Variants in GRID2 observed in about 807,000 individuals in gnomAD.
The protein encoded by GRID2 is glutamate ionotropic receptor delta type subunit 2.
GRID2 carries 33 observed loss-of-function variants against 114.8 expected under a neutral mutation model. The ratio of observed to expected loss-of-function variants is 0.29; its 90% CI spans 0.22 to 0.38. The LOEUF is 0.38. GRID2 is among the 10% of genes least tolerant of loss of function. The pLI, the probability that GRID2 is intolerant of heterozygous loss-of-function variation, is 1.00. For synonymous variants in GRID2, 505 were observed against 449.9 expected (o/e 1.12, Z -1.55); for missense variants, 1,184 against 1,257.7 (o/e 0.94, Z 0.89).
At chr4:93,179,474 A>G (rs986664334) in intron 4 of GRID2, among the ~76,000 whole-genome samples, 1 of 152,198 alleles carries the variant, frequency 6.6e-6, no homozygotes, top group African/African-American at 2.4e-5. Flanking sequence ...TATTCGCATG[A>G]TGTGGGATAA....
chr4:93,164,276 A>G (rs1388833078), intron 4 of GRID2, among the ~76,000 whole-genome samples: 1 of 152,076 alleles, frequency 6.6e-6, no homozygotes, highest in Non-Finnish European at 1.5e-5. Flanking sequence ...TGACTTTGGG[A>G]CTAAGATAAC....
chr4:93,411,233 A>G (rs1767097376), intron 9 of GRID2, among the ~76,000 whole-genome samples: 1 of 152,184 alleles, frequency 6.6e-6, no homozygotes, highest in African/African-American at 2.4e-5. Flanking sequence ...TTGAGGTCCC[A>G]AACTCATAAA....
intron 2 of GRID2, among the ~76,000 whole-genome samples, chr4:92,914,145 C>T (rs977667504): frequency 6.6e-6 from 1 of 151,920 alleles, no homozygotes; most frequent in Non-Finnish European, 1.5e-5. Context: ...ATTTTCTATC[C>T]ACTTTGCATT....
rs1491284544 is a variant in GRID2 at position 92,485,300 on chromosome 4, GCA to G, written c.89-104830_89-104829del. The stretch of plus-strand genomic sequence containing the variant: ...CTTATATATAATAAATAAGGTGTGT[GCA>G]TATATATATATATATATATATATAT... On this transcript the variant is annotated intron_variant, in intron 1 of 15. Transcript: ENST00000282020. Among the ~76,000 whole-genome samples, 55 of 35,134 alleles carry G rather than the reference GCA, an allele frequency of 1.6e-3. 4 individuals are homozygous for G. The highest frequency in any genetic ancestry group is 5.9e-4 in the Non-Finnish European group (12 of 20,272). 23.0% of individuals were successfully genotyped at this position (35,134 alleles called of 152,430 possible). A position where few individuals can be genotyped will look rare whatever the true frequency, so the allele number is the denominator to read the frequency against.
At chr4:93,091,073 CCTTTTGTTTGG>C (rs199500004) in intron 3 of GRID2, among the ~76,000 whole-genome samples, 1 of 152,048 alleles carries the variant, frequency 6.6e-6, no homozygotes, top group East Asian at 1.9e-4. Flanking sequence ...CATTTATTTG[CCTTTTGTTTGG>C]CTGCTTTTAA....
chr4:93,712,556 G>A (rs1012064958), intron 14 of GRID2, among the ~76,000 whole-genome samples: 2 of 151,898 alleles, frequency 1.3e-5, no homozygotes, highest in Admixed American at 1.3e-4. Flanking sequence ...ATTAATTTCT[G>A]GTTTCACCCC....
At chr4:92,498,571 G>A (rs62310674) in intron 1 of GRID2, among the ~76,000 whole-genome samples, 26,500 of 151,370 alleles carry the variant, frequency 0.18, 2,793 homozygotes, top group Middle Eastern at 0.25. Context: ...TTAAAGTTTT[G>A]CTCAATTGGA....
At chr4:92,412,048 A>G (rs111820284) in intron 1 of GRID2, among the ~76,000 whole-genome samples, 56 of 151,456 alleles carry the variant, frequency 3.7e-4, no homozygotes, top group African/African-American at 1.4e-3. Flanking sequence ...TAATCCAATA[A>G]CCATCATCTA....
At chr4:92,474,837 T>C (rs1211184080) in intron 1 of GRID2, among the ~76,000 whole-genome samples, 2 of 151,918 alleles carry the variant, frequency 1.3e-5, no homozygotes, top group African/African-American at 2.4e-5. Context: ...TTTTTCTTTA[T>C]TTTTTCCTGA....
intron 2 of GRID2, among the ~76,000 whole-genome samples, chr4:92,802,158 C>G (rs187014060): frequency 6.6e-6 from 1 of 151,934 alleles, no homozygotes; most frequent in East Asian, 1.9e-4. Context: ...GTTTTAGGCT[C>G]ATAGCAACAT....
chr4:93,711,859 C>CT (rs1458829313), intron 14 of GRID2, among the ~76,000 whole-genome samples: 1 of 152,198 alleles, frequency 6.6e-6, no homozygotes, highest in Non-Finnish European at 1.5e-5. Context: ...ATCAGGTACT[C>CT]TAAGTGCTCA....
intron 13 of GRID2, among the ~76,000 whole-genome samples, chr4:93,560,238 A>AAAAC (rs1734782565): frequency 1.3e-5 from 2 of 149,822 alleles, no homozygotes; most frequent in Non-Finnish European, 3.0e-5. Context: ...AAAAAAAAAA[A>AAAAC]AAAAAAAAAA....
chr4:92,447,421 G>T (rs1157691627), intron 1 of GRID2, among the ~76,000 whole-genome samples: 1 of 152,050 alleles, frequency 6.6e-6, no homozygotes, highest in African/African-American at 2.4e-5. Flanking sequence ...ACAGCTGAAG[G>T]GTGTCAAGTG....
intron 2 of GRID2, among the ~76,000 whole-genome samples, chr4:92,872,989 G>A (rs1745382928): frequency 6.6e-6 from 1 of 152,132 alleles, no homozygotes; most frequent in Non-Finnish European, 1.5e-5. Flanking sequence ...CAACATGGTG[G>A]ATTAGTACCC....
At chr4:92,548,464 C>G (rs989495579) in intron 1 of GRID2, among the ~76,000 whole-genome samples, 27 of 118,462 alleles carry the variant, frequency 2.3e-4, no homozygotes, top group African/African-American at 8.0e-4. Context: ...TTCTGTGGAG[C>G]GATTTTGGCT....
chr4:92,435,187 G>A (rs1049404046), intron 1 of GRID2, among the ~76,000 whole-genome samples: 3 of 152,092 alleles, frequency 2.0e-5, no homozygotes, highest in Non-Finnish European at 2.9e-5. Context: ...CCACCAAACC[G>A]GATTTGTGTT....
chr4:93,216,333 A>G (rs1744211653), intron 5 of GRID2, among the ~76,000 whole-genome samples: 1 of 151,960 alleles, frequency 6.6e-6, no homozygotes, highest in Non-Finnish European at 1.5e-5. Context: ...TAACTCTTAC[A>G]TGGCAATTAC....
intron 14 of GRID2, among the ~76,000 whole-genome samples, chr4:93,666,472 G>C (rs547828581): frequency 3.9e-5 from 6 of 152,078 alleles, no homozygotes; most frequent in Admixed American, 6.6e-5. Context: ...ATGTCATTAT[G>C]TTAGATTTGG....
chr4:92,807,468 A>G (rs764908592), intron 2 of GRID2, among the ~76,000 whole-genome samples: 1 of 152,056 alleles, frequency 6.6e-6, no homozygotes, highest in Admixed American at 6.6e-5. Context: ...ACTCAGCAAG[A>G]AAAGGCAAAA....
Sources: allele counts gnomAD v4.1 joint callset (sites outside exome capture counted in the v4.1 genomes callset), GRCh38; gene constraint gnomAD v4.1.1; transcripts MANE v1.5; gene names NCBI Gene and HGNC (gene_info 2026-07-23, HGNC 2026-07-21).